TAFA2: variants seen among roughly 807,000 people sequenced by gnomAD.
TAFA2 encodes chemokine-like protein TAFA-2.
In TAFA2, 7 loss-of-function variants were observed where a neutral mutation model predicts 18.8. That is an observed-to-expected ratio of 0.37 (90% CI 0.21 to 0.70). TAFA2 has a LOEUF of 0.70. Ranked by LOEUF, TAFA2 falls within the 30% of genes least tolerant of loss-of-function variation. The probability of loss-of-function intolerance (pLI) is 0.53; values close to 1 mark genes in which losing one functional copy is unlikely to be tolerated. For missense variants in TAFA2, 122 were observed against 158.1 expected, an observed-to-expected ratio of 0.77 and a Z score of 1.23; for synonymous variants, 60 against 54.2, an observed-to-expected ratio of 1.11 and a Z score of -0.47.
intron 1 of TAFA2, among the ~76,000 whole-genome samples, chr12:61,998,011 C>G (rs1164008766): frequency 6.6e-6 from 1 of 151,972 alleles, no homozygotes; most frequent in Non-Finnish European, 1.5e-5. Context: ...TTCCAATCTG[C>G]AGGAAATCAT....
intron 1 of TAFA2, among the ~76,000 whole-genome samples, chr12:62,243,719 A>C (rs2136990930): frequency 6.6e-6 from 1 of 152,362 alleles, no homozygotes; most frequent in Admixed American, 6.5e-5. Context: ...CATCAAACAA[A>C]GTTAAGACAC....
At chr12:62,072,475 T>A (rs1882657049) in intron 1 of TAFA2, among the ~76,000 whole-genome samples, 1 of 150,502 alleles carries the variant, frequency 6.6e-6, no homozygotes, top group South Asian at 2.1e-4. Context: ...TCTCAAAAAA[T>A]AATAATAATA....
intron 1 of TAFA2, chr12:62,021,798 T>A: frequency 1.1e-6 from 1 of 919,404 alleles, no homozygotes; most frequent in Non-Finnish European, 1.8e-6. Flanking sequence ...AGTGACAATG[T>A]AATAGTTAAC....
At chr12:62,234,495 C>T in intron 1 of TAFA2, 1 of 1,085,328 alleles carries the variant, frequency 9.2e-7, no homozygotes, top group Non-Finnish European at 1.4e-6. Flanking sequence ...ACCTCATGAA[C>T]TCTTGGCTGC....
At chr12:62,009,003 C>G (rs1880645202) in intron 1 of TAFA2, among the ~76,000 whole-genome samples, 2 of 152,078 alleles carry the variant, frequency 1.3e-5, no homozygotes. Context: ...ATCATGTTTA[C>G]CAGTGAAAAT....
chr12:61,732,479 A>C (rs962256944), intron 4 of TAFA2, among the ~76,000 whole-genome samples: 2 of 152,116 alleles, frequency 1.3e-5, no homozygotes, highest in African/African-American at 4.8e-5. Context: ...AATGCAATGA[A>C]GTTTCCGGTA....
intron 2 of TAFA2, among the ~76,000 whole-genome samples, chr12:61,846,138 T>C (rs994439129): frequency 3.3e-5 from 5 of 152,166 alleles, no homozygotes; most frequent in African/African-American, 1.2e-4. Flanking sequence ...CAAAAGTTGA[T>C]CTTGAAAAAA....
At chr12:61,803,864 T>C (rs1159996724) in intron 2 of TAFA2, among the ~76,000 whole-genome samples, 2 of 151,990 alleles carry the variant, frequency 1.3e-5, no homozygotes, top group African/African-American at 4.8e-5. Context: ...GTTGTGCACA[T>C]GTACCCTAAA....
At chr12:61,910,847 T>C (rs1876579630) in intron 1 of TAFA2, among the ~76,000 whole-genome samples, 1 of 152,222 alleles carries the variant, frequency 6.6e-6, no homozygotes, top group Admixed American at 6.5e-5. Flanking sequence ...ACTCACCCTG[T>C]GCAATTCCGA....
At chr12:62,183,944 C>T (rs2062567758) in intron 1 of TAFA2, among the ~76,000 whole-genome samples, 1 of 152,082 alleles carries the variant, frequency 6.6e-6, no homozygotes. Context: ...AACCTGAGAC[C>T]CATGACCTAT....
chr12:62,139,157 G>T (rs1472256696), intron 1 of TAFA2, among the ~76,000 whole-genome samples: 1 of 152,050 alleles, frequency 6.6e-6, no homozygotes, highest in Non-Finnish European at 1.5e-5. Context: ...TCTGCTAAAA[G>T]GTGTGTTAGG....
At chr12:62,151,826 C>T (rs974079423) in intron 1 of TAFA2, among the ~76,000 whole-genome samples, 5 of 152,062 alleles carry the variant, frequency 3.3e-5, no homozygotes, top group East Asian at 3.9e-4. Flanking sequence ...AGTATATTTA[C>T]GGGGTTAAGA....
At chr12:61,747,861 T>C (rs1328143980) in intron 4 of TAFA2, among the ~76,000 whole-genome samples, 3 of 149,696 alleles carry the variant, frequency 2.0e-5, no homozygotes, top group South Asian at 2.1e-4. Flanking sequence ...AACTTAAAAG[T>C]ATAATAATAA....
intron 4 of TAFA2, among the ~76,000 whole-genome samples, chr12:61,719,632 C>T (rs1430245117): frequency 1.3e-5 from 2 of 152,192 alleles, no homozygotes; most frequent in African/African-American, 4.8e-5. Flanking sequence ...AGCTTCATCT[C>T]CTGTGTGGCA....
intron 2 of TAFA2, among the ~76,000 whole-genome samples, chr12:61,786,564 C>T (rs192563595): frequency 6.6e-6 from 1 of 151,552 alleles, no homozygotes; most frequent in African/African-American, 2.4e-5. Flanking sequence ...TTATTGTGCC[C>T]ATATCCCATG....
At chr12:62,147,336 AT>A (rs1192235786) in intron 1 of TAFA2, among the ~76,000 whole-genome samples, 1 of 68,420 alleles carries the variant, frequency 1.5e-5, no homozygotes, top group African/African-American at 5.7e-5. Flanking sequence ...GTATATATAT[AT>A]ATATATATAT....
Position 61,946,188 on chromosome 12 carries a change from G to C in TAFA2, c.-1-78762C>G, listed in dbSNP as rs1181884578. ...ACTATCTGATCTTTGACAAACCTGA[G>C]AAAAACAAGCAATGGGGAAAGGATT... On this transcript the variant is annotated intron_variant, in intron 1 of 4. Coordinates refer to ENST00000416284, the MANE Select transcript of TAFA2 (RefSeq NM_178539.5). 1.2e-4 allele frequency among the ~76,000 whole-genome samples: 18 copies of C among 150,940 alleles called. No individual in the cohort carries two copies. In the East Asian group the frequency reaches 2.0e-3, roughly 16 times the overall value.
chr12:61,771,539 C>A (rs1207049921), intron 2 of TAFA2, among the ~76,000 whole-genome samples: 1 of 151,882 alleles, frequency 6.6e-6, no homozygotes, highest in Non-Finnish European at 1.5e-5. Context: ...CTCTCTCTGA[C>A]CACAGTGAAA....
intron 2 of TAFA2, among the ~76,000 whole-genome samples, chr12:61,761,237 T>C (rs1363048573): frequency 6.6e-6 from 1 of 152,064 alleles, no homozygotes; most frequent in Admixed American, 6.6e-5. Context: ...GCTTTTTTGA[T>C]GTAGTGAAAG....
Sources: gnomAD v4.1 joint callset for allele counts (sites outside exome capture counted in the v4.1 genomes callset) on GRCh38, gnomAD v4.1.1 for gene constraint, MANE v1.5 for transcripts, NCBI Gene and HGNC (gene_info 2026-07-23, HGNC 2026-07-21) for gene names.